CEP170: variants seen among roughly 807,000 people sequenced by gnomAD.
The protein encoded by CEP170 is centrosomal protein 170, also known as centrosomal protein of 170 kDa.
A neutral mutation model predicts 151.9 loss-of-function variants in CEP170; 21 were observed. That is an observed-to-expected ratio of 0.14 (90% CI 0.10 to 0.20). The LOEUF (loss-of-function observed/expected upper bound fraction) is 0.20. Among genes scored for constraint, CEP170 ranks in the 10% least tolerant of loss-of-function variants. The pLI is 1.00. For synonymous variants in CEP170, 356 were observed against 648.8 expected (o/e 0.55, Z 6.86); for missense variants, 964 against 1,892.9 (o/e 0.51, Z 9.11).
At chr1:243,142,219 G>A (rs2055928937) in intron 15 of CEP170, 97 bp downstream of exon 15, 1 of 1,596,410 alleles carries the variant, frequency 6.3e-7, no homozygotes, top group South Asian at 1.1e-5. Context: ...CAAACAGGGA[G>A]GGTGGACATA....
At chr1:243,221,650 A>C (rs1164623255) in intron 3 of CEP170, 74 bp downstream of exon 3, 3 of 1,393,858 alleles carry the variant, frequency 2.2e-6, no homozygotes, top group Non-Finnish European at 2.9e-6. Flanking sequence ...GTAGCTAGGA[A>C]ATGTAATCTG....
intron 13 of CEP170, among the ~76,000 whole-genome samples, chr1:243,157,053 T>C (rs1253168855): frequency 6.6e-6 from 1 of 152,250 alleles, no homozygotes; most frequent in Non-Finnish European, 1.5e-5. Context: ...AAAATCTTTT[T>C]ACGTGGTAAA....
At chr1:243,140,737 G>A (rs2055741562) in intron 15 of CEP170, 1 of 152,164 alleles carries the variant, frequency 6.6e-6, no homozygotes, top group Admixed American at 6.5e-5. Flanking sequence ...CGGGTTTACT[G>A]AAGAGGGACT....
intron 18 of CEP170, 143 bp from the exon 19 acceptor site, chr1:243,128,443 A>C (rs1335659950): frequency 3.7e-6 from 2 of 546,092 alleles, no homozygotes; most frequent in Non-Finnish European, 6.0e-6. Flanking sequence ...ACATGATATG[A>C]AATAATTATG....
At chr1:243,152,520 C>CTTTTTTTTTTTT in intron 14 of CEP170, among the ~76,000 whole-genome samples, 1 of 63,494 alleles carries the variant, frequency 1.6e-5, no homozygotes, top group Non-Finnish European at 3.1e-5. Context: ...CGCGCCCAGC[C>CTTTTTTTTTTTT]ATTTTTTTTT....
chr1:243,126,455 T>G lies in CEP170; in HGVS notation c.4749A>C (p.Gln1583His), dbSNP rs1228707878. 1 of 1,606,986 alleles carries G rather than the reference T, an allele frequency of 6.2e-7. No homozygotes were observed. The highest frequency in any genetic ancestry group is 8.5e-7 in the Non-Finnish European group (1 of 1,176,038). The change falls in exon 20 of 20, where the codon CAA (glutamine) becomes CAC (histidine). Residue 1583 changes from glutamine to histidine, a missense_variant. Gln to His is a conservative substitution (Grantham distance 24, BLOSUM62 0). Transcript: ENST00000366542. The stretch of plus-strand genomic sequence containing the variant: ...TTCAACAATCAAGAGAAAGTCATTC[T>G]TGTACTGTAACATCTTCCTCTTCCC... ...PDGEEEDVTV[Q>H]E
At chr1:243,137,092 C>A (rs1401696407) in intron 16 of CEP170, among the ~76,000 whole-genome samples, 3 of 152,240 alleles carry the variant, frequency 2.0e-5, no homozygotes, top group Non-Finnish European at 4.4e-5. Flanking sequence ...AGAGTGAAAG[C>A]AGCCATAAAT....
chr1:243,227,315 GT>G (rs1367329124), intron 1 of CEP170, among the ~76,000 whole-genome samples: 1 of 151,502 alleles, frequency 6.6e-6, no homozygotes, highest in African/African-American at 2.4e-5. Flanking sequence ...ACAAGCTCAC[GT>G]TGTCTGTCAA....
intron 17 of CEP170, among the ~76,000 whole-genome samples, chr1:243,132,978 G>T (rs1358181955): frequency 2.0e-5 from 3 of 152,152 alleles, no homozygotes; most frequent in African/African-American, 4.8e-5. Context: ...TGTATCAAGA[G>T]GACCCATATT....
At chr1:243,241,715 G>A (rs1000955505) in intron 1 of CEP170, among the ~76,000 whole-genome samples, 4 of 147,788 alleles carry the variant, frequency 2.7e-5, no homozygotes, top group Admixed American at 6.7e-5. Flanking sequence ...CCTTGAACCC[G>A]GGAGGCAGAG....
chr1:243,183,093 C>A (rs1406994800), intron 10 of CEP170, among the ~76,000 whole-genome samples: 2 of 151,550 alleles, frequency 1.3e-5, no homozygotes, highest in African/African-American at 4.9e-5. Flanking sequence ...TTTTTAAAGT[C>A]TTGGTTTTTG....
chr1:243,137,602 C>T (rs2055256281), intron 16 of CEP170, among the ~76,000 whole-genome samples: 1 of 151,850 alleles, frequency 6.6e-6, no homozygotes, highest in South Asian at 2.1e-4. Flanking sequence ...TGGTGAAACC[C>T]CATCTCTACT....
intron 3 of CEP170, among the ~76,000 whole-genome samples, chr1:243,217,464 T>C (rs533338397): frequency 6.6e-6 from 1 of 152,364 alleles, no homozygotes; most frequent in East Asian, 1.9e-4. Flanking sequence ...CTCTTAAATA[T>C]TAAGCACCTG....
chr1:243,235,554 C>G (rs1572566935), intron 1 of CEP170, among the ~76,000 whole-genome samples: 1 of 151,998 alleles, frequency 6.6e-6, no homozygotes, highest in East Asian at 1.9e-4. Context: ...TCTGGAATGA[C>G]TACTCTAAAT....
intron 1 of CEP170, among the ~76,000 whole-genome samples, chr1:243,245,278 T>C (rs2065262891): frequency 6.6e-6 from 1 of 152,032 alleles, no homozygotes; most frequent in African/African-American, 2.4e-5. Flanking sequence ...TTGGTTGTTG[T>C]TCATCAAAGT....
intron 3 of CEP170, among the ~76,000 whole-genome samples, chr1:243,217,676 T>G (rs1161265223): frequency 6.6e-6 from 1 of 152,010 alleles, no homozygotes; most frequent in Admixed American, 6.5e-5. Flanking sequence ...AAATTACCAA[T>G]GGGAAAGAGA....
chr1:243,225,027 G>T, intron 2 of CEP170, 149 bp downstream of exon 2: 1 of 440,996 alleles, frequency 2.3e-6, no homozygotes, highest in South Asian at 6.9e-5. Flanking sequence ...ATGATTCAAG[G>T]GGGCAAAAAA....
intron 4 of CEP170, among the ~76,000 whole-genome samples, chr1:243,202,466 A>T (rs982685637): frequency 6.6e-6 from 1 of 152,202 alleles, no homozygotes; most frequent in Non-Finnish European, 1.5e-5. Context: ...ATTTCTTTAA[A>T]AAGACAAAAA....
chr1:243,189,019 G>A (rs1223477561), intron 8 of CEP170, among the ~76,000 whole-genome samples: 1 of 152,116 alleles, frequency 6.6e-6, no homozygotes, highest in Non-Finnish European at 1.5e-5. Context: ...CTTGTAAAAT[G>A]GTCTGAAGGC....
Sources: allele counts gnomAD v4.1 joint callset (sites outside exome capture counted in the v4.1 genomes callset), GRCh38; gene constraint gnomAD v4.1.1; transcripts MANE v1.5; gene names NCBI Gene and HGNC (gene_info 2026-07-23, HGNC 2026-07-21).